Variants in OSBPL3 observed in about 807,000 individuals in gnomAD.
OSBPL3 encodes the protein oxysterol binding protein like 3.
A neutral mutation model predicts 120.1 loss-of-function variants in OSBPL3; 65 were observed. The observed-to-expected ratio is 0.54, with a 90% CI of 0.44 to 0.67. The LOEUF is 0.67. OSBPL3 is among the 30% of genes least tolerant of loss of function. The probability of loss-of-function intolerance (pLI) is 0.00; values close to 1 mark genes in which losing one functional copy is unlikely to be tolerated. For missense variants in OSBPL3, 1,004 were observed against 1,082.1 expected (o/e 0.93, Z 1.01); for synonymous variants, 416 against 402.6 (o/e 1.03, Z -0.40).
chr7:24,924,462 G>C (rs939767925), intron 1 of OSBPL3, among the ~76,000 whole-genome samples: 1 of 152,188 alleles, frequency 6.6e-6, no homozygotes, highest in African/African-American at 2.4e-5. Context: ...TTTTGTACTT[G>C]TGACTTTCCT....
chr7:24,889,882 G>A (rs978396129), intron 2 of OSBPL3, among the ~76,000 whole-genome samples: 3 of 152,214 alleles, frequency 2.0e-5, no homozygotes, highest in African/African-American at 7.2e-5. Context: ...TCACAGCCAG[G>A]CGCTGGGCTA....
rs757878482 is a variant in OSBPL3, at chr7:24,947,962, A to AT, written c.-150+31923dup. On this transcript the variant is annotated intron_variant, in intron 1 of 22. Coordinates refer to ENST00000313367, the MANE Select transcript of OSBPL3 (RefSeq NM_015550.4). The surrounding 1 kb of genome is among the most constrained non-coding windows in gnomAD (Gnocchi z 4.4). ...TATCACAGATTAAGCTTTAAGAATG[A>AT]TTTTTTTAATCCAATGTTCATTTCT... is the stretch of plus-strand genomic sequence containing the variant. 3.3e-5 allele frequency among the ~76,000 whole-genome samples: 5 copies of AT among 152,162 alleles called. No individual in the cohort carries two copies. The highest frequency in any genetic ancestry group is 1.9e-4 in the East Asian group (1 of 5,200).
intron 1 of OSBPL3, among the ~76,000 whole-genome samples, chr7:24,948,142 G>A (rs573727449): frequency 1.3e-5 from 2 of 152,260 alleles, no homozygotes; most frequent in South Asian, 2.1e-4. Context: ...AAGACAAAGC[G>A]AGAGAGAGAA....
chr7:24,941,995 T>G (rs945015735), intron 1 of OSBPL3, among the ~76,000 whole-genome samples: 1 of 152,190 alleles, frequency 6.6e-6, no homozygotes. Flanking sequence ...GGGCTGTGTT[T>G]TGCTCACATC....
chr7:24,923,750 C>T (rs1195682475), intron 1 of OSBPL3, among the ~76,000 whole-genome samples: 1 of 152,122 alleles, frequency 6.6e-6, no homozygotes, highest in Non-Finnish European at 1.5e-5. Context: ...AGGCGGGCGG[C>T]CGGGTGGGGA....
chr7:24,937,330 T>G lies in OSBPL3; in HGVS notation c.-150+42556A>C, dbSNP rs1188679991. On this transcript the variant is annotated intron_variant, in intron 1 of 22. Transcript: ENST00000313367. The surrounding 1 kb of genome is among the most constrained non-coding windows in gnomAD (Gnocchi z 4.0). ...TACAATTCAAGTTTTGTAGCAGCTT[T>G]GGGTGGGAACACAGCCAAACCATAT... Among the ~76,000 whole-genome samples, 1 of 152,210 alleles carries G rather than the reference T, an allele frequency of 6.6e-6. No individual in the cohort carries two copies. The highest frequency in any genetic ancestry group is 1.9e-4 in the East Asian group (1 of 5,196).
chr7:24,942,340 C>T (rs762866015), intron 1 of OSBPL3, among the ~76,000 whole-genome samples: 17 of 152,182 alleles, frequency 1.1e-4, no homozygotes, highest in Admixed American at 2.0e-4. Flanking sequence ...GGCCCCCACA[C>T]CTGACCACGG....
rs1809087008 is a variant in OSBPL3 at position 24,913,223 on chromosome 7, T to C, written c.-149-20602A>G. Among the ~76,000 whole-genome samples, 1 of 152,212 alleles carries C rather than the reference T, an allele frequency of 6.6e-6. No homozygotes were observed. The highest frequency in any genetic ancestry group is 1.5e-5 in the Non-Finnish European group (1 of 68,036). ...TCATTAACCTACCAGTTCATCGTCATTGTCTCAATTTACCAAGTTTTGGGG... is the reference window on the plus strand; with the variant it reads ...TCATTAACCTACCAGTTCATCGTCACTGTCTCAATTTACCAAGTTTTGGGG... On this transcript the variant is annotated intron_variant, in intron 1 of 22. Coordinates refer to ENST00000313367, the MANE Select transcript of OSBPL3 (RefSeq NM_015550.4). This position sits in a 1 kb window ranked among gnomAD's most constrained non-coding sequence, Gnocchi z 5.3.
Position 24,870,736 on chromosome 7 carries a change from A to G in OSBPL3, c.377T>C (p.Leu126Pro), listed in dbSNP as rs754725020. 7 of 1,587,176 alleles carry G rather than the reference A, an allele frequency of 4.4e-6. No homozygotes were observed. The highest frequency in any genetic ancestry group is 6.1e-6 in the Non-Finnish European group (7 of 1,155,486). Residue 126 changes from leucine to proline, a missense_variant, in exon 5 of 23, where the codon CTG becomes CCG. Leu to Pro is a moderately conservative substitution (Grantham distance 98, BLOSUM62 -3). Around this residue, in one of 4 missense-constraint regions of OSBPL3, gnomAD observed 255 missense variants for 248.7 expected, o/e 1.03. Coordinates refer to ENST00000313367, the MANE Select transcript of OSBPL3 (RefSeq NM_015550.4). ...DLDTEEHIYH[L>P]KVKSEEVFDE... ...CACAGTGGGAAGCAGCCTCACCTTC[A>G]GATGGTAGATGTGCTCCTCGGTGTC...
At position 24,817,070 on chromosome 7, in the gene OSBPL3, G is replaced by C; in HGVS notation, c.1949-382C>G. Among the ~76,000 whole-genome samples the C allele has an allele frequency of 6.6e-6, 1 of 152,232 alleles. No homozygotes were observed. The highest frequency in any genetic ancestry group is 1.5e-5 in the Non-Finnish European group (1 of 68,036). ...GAAAGGGCCATCTAAATGGGGCTTT[G>C]AGGAATAAGCAGGAGTTCACTGGGC... On this transcript the variant is annotated intron_variant, in intron 17 of 22. Transcript: ENST00000313367. This position sits in a 1 kb window ranked among gnomAD's most constrained non-coding sequence, Gnocchi z 4.0.
intron 13 of OSBPL3, among the ~76,000 whole-genome samples, chr7:24,841,899 G>A (rs905208789): frequency 1.3e-5 from 2 of 151,412 alleles, no homozygotes; most frequent in African/African-American, 4.9e-5. Context: ...TGTAGTCCCA[G>A]CTACCTGGTA....
chr7:24,972,693 T>G lies in OSBPL3; in HGVS notation c.-150+7193A>C, dbSNP rs1251534236. On this transcript the variant is annotated intron_variant, in intron 1 of 22. Transcript: ENST00000313367. The surrounding 1 kb of genome is among the most constrained non-coding windows in gnomAD (Gnocchi z 4.3). ...CATCTACTTCAAATTTAATAAGAGT[T>G]GCTGAGATTAAAAAATATATACATA... is the stretch of plus-strand genomic sequence containing the variant. Among the ~76,000 whole-genome samples the G allele has an allele frequency of 6.6e-6, 1 of 152,170 alleles. No homozygotes were observed. Among genetic ancestry groups the G allele is most frequent in the Non-Finnish European group, 1.5e-5 (1 of 68,024 alleles).
In OSBPL3 at chr7:24,852,230, C is replaced by T. The variant is rs530024172; in HGVS notation, c.1158+274G>A. Among the ~76,000 whole-genome samples, 2 of 152,016 alleles carry T rather than the reference C, an allele frequency of 1.3e-5. No individual in the cohort carries two copies. The highest frequency in any genetic ancestry group is 1.9e-4 in the East Asian group (1 of 5,176). ...AGACACGCACACATACACACAAAAA[C>T]GTACAATAAAAATGTTAGAGAAACA... is the stretch of plus-strand genomic sequence containing the variant. On this transcript the variant is annotated intron_variant, in intron 11 of 22. Coordinates refer to ENST00000313367, the MANE Select transcript of OSBPL3 (RefSeq NM_015550.4). The surrounding 1 kb of genome is among the most constrained non-coding windows in gnomAD (Gnocchi z 4.1).
intron 1 of OSBPL3, among the ~76,000 whole-genome samples, chr7:24,911,884 T>C (rs1387028522): frequency 1.3e-5 from 2 of 151,972 alleles, no homozygotes; most frequent in African/African-American, 4.8e-5. Context: ...AGTAAACAGG[T>C]TTTAAAAAGG....
chr7:24,955,501 C>T lies in OSBPL3; in HGVS notation c.-150+24385G>A, dbSNP rs973654850. Among the ~76,000 whole-genome samples the T allele has an allele frequency of 6.6e-6, 1 of 152,242 alleles. No individual in the cohort carries two copies. The highest frequency in any genetic ancestry group is 2.4e-5 in the African/African-American group (1 of 41,464). ...GTGGAGGAGAGGCTACTGGGGTGGC[C>T]TCAGGGCCTTTGCACTTCTTGTTTT... is the stretch of plus-strand genomic sequence containing the variant. On this transcript the variant is annotated intron_variant, in intron 1 of 22. Transcript: ENST00000313367. This position sits in a 1 kb window ranked among gnomAD's most constrained non-coding sequence, Gnocchi z 4.3.
intron 1 of OSBPL3, among the ~76,000 whole-genome samples, chr7:24,905,802 GGGTGGATCA>G (rs1807821532): frequency 6.6e-6 from 1 of 152,216 alleles, no homozygotes; most frequent in African/African-American, 2.4e-5. Context: ...AGGCCGAGGT[GGGTGGATCA>G]CTTGAGGTCA....
chr7:24,807,496 A>T (rs970415816), intron 20 of OSBPL3, among the ~76,000 whole-genome samples: 6 of 150,884 alleles, frequency 4.0e-5, no homozygotes, highest in Non-Finnish European at 5.9e-5. Flanking sequence ...TCCATCTCAA[A>T]AATAATAATA....
intron 1 of OSBPL3, among the ~76,000 whole-genome samples, chr7:24,903,452 C>T (rs1172489096): frequency 6.6e-6 from 1 of 152,172 alleles, no homozygotes; most frequent in Non-Finnish European, 1.5e-5. Context: ...TGGGAGAGCG[C>T]ACTTGCAGGC....
At chr7:24,979,645 C>T (rs549185838) in intron 1 of OSBPL3, among the ~76,000 whole-genome samples, 11 of 152,130 alleles carry the variant, frequency 7.2e-5, no homozygotes, top group Non-Finnish European at 1.3e-4. Flanking sequence ...TGAGCCGTCC[C>T]TCGAGGGAAG....
Sources: allele counts gnomAD v4.1 joint callset (sites outside exome capture counted in the v4.1 genomes callset), GRCh38; gene constraint gnomAD v4.1.1; regional missense constraint gnomAD v4.1.1; non-coding constraint Gnocchi (gnomAD v3.1); transcripts MANE v1.5; gene names NCBI Gene and HGNC (gene_info 2026-07-23, HGNC 2026-07-21).